The following MYO3A variants were observed in gnomAD, a reference collection of about 807,000 sequenced individuals.
The protein encoded by MYO3A is myosin IIIA.
Under a neutral mutation model 192.7 loss-of-function variants are expected in MYO3A, and 180 were observed. The ratio of observed to expected loss-of-function variants is 0.93; its 90% CI spans 0.83 to 1.06. The LOEUF (loss-of-function observed/expected upper bound fraction) is 1.06. MYO3A is among the 50% of genes least tolerant of loss of function. The probability of loss-of-function intolerance (pLI) is 0.00; values close to 1 mark genes in which losing one functional copy is unlikely to be tolerated. For synonymous variants in MYO3A, 628 were observed against 645.3 expected (o/e 0.97, Z 0.41); for missense variants, 1,896 against 1,905.0 (o/e 1.00, Z 0.09).
intron 20 of MYO3A, among the ~76,000 whole-genome samples, chr10:26,141,064 G>C (rs544504848): frequency 2.2e-4 from 34 of 152,008 alleles, no homozygotes; most frequent in African/African-American, 8.2e-4. Flanking sequence ...AGTAGCTGGG[G>C]CTCCAGGCAC....
chr10:26,081,146 GCCCCC>G (rs137933569), intron 14 of MYO3A, among the ~76,000 whole-genome samples: 13,176 of 70,804 alleles, frequency 0.19, 1,184 homozygotes, highest in Non-Finnish European at 0.22. Context: ...CCCCCCCCCC[GCCCCC>G]GCTACCAGGG....
At chr10:26,138,208 G>A (rs1589021165) in intron 20 of MYO3A, among the ~76,000 whole-genome samples, 1 of 152,138 alleles carries the variant, frequency 6.6e-6, no homozygotes, top group Non-Finnish European at 1.5e-5. Flanking sequence ...CTACTGATAT[G>A]TGAGGTCACC....
intron 10 of MYO3A, among the ~76,000 whole-genome samples, chr10:26,034,599 A>T (rs1842943887): frequency 6.6e-6 from 1 of 152,238 alleles, no homozygotes; most frequent in Non-Finnish European, 1.5e-5. Flanking sequence ...AAGAAACTGG[A>T]TAATGATAGC....
chr10:26,014,331 G>A (rs1234583850), intron 6 of MYO3A, among the ~76,000 whole-genome samples: 1 of 152,034 alleles, frequency 6.6e-6, no homozygotes, highest in Non-Finnish European at 1.5e-5. Flanking sequence ...CAATGTGGAA[G>A]TCTTAGGCCT....
intron 17 of MYO3A, among the ~76,000 whole-genome samples, chr10:26,106,976 GC>G (rs1049165883): frequency 6.6e-6 from 1 of 151,844 alleles, no homozygotes. Flanking sequence ...ATGCCAGTGA[GC>G]TTTTTTCTTT....
At chr10:26,010,450 G>GTTTTTTTT (rs778349166) in intron 6 of MYO3A, among the ~76,000 whole-genome samples, 19 of 111,218 alleles carry the variant, frequency 1.7e-4, no homozygotes, top group East Asian at 5.6e-4. Context: ...CTAAGTAGTT[G>GTTTTTTTT]TTTTTTTTTT....
chr10:26,005,293 G>C lies in MYO3A; in HGVS notation c.508+8035G>C, dbSNP rs149424251. ...AACCCAAATTCAGGAACAGTCTATAGAACAACTGGCCTGAAATCTTAAAAA... is the reference window on the plus strand; with the variant it reads ...AACCCAAATTCAGGAACAGTCTATACAACAACTGGCCTGAAATCTTAAAAA... On this transcript the variant is annotated intron_variant, in intron 6 of 34. Coordinates refer to ENST00000642920, the MANE Select transcript of MYO3A (RefSeq NM_017433.5). 2.1e-3 allele frequency among the ~76,000 whole-genome samples: 324 copies of C among 151,966 alleles called. 2 individuals are homozygous for C. The highest frequency in any genetic ancestry group is 7.6e-3 in the African/African-American group (313 of 41,398).
intron 34 of MYO3A, among the ~76,000 whole-genome samples, chr10:26,206,727 G>A (rs990667953): frequency 2.9e-4 from 44 of 152,218 alleles, no homozygotes; most frequent in African/African-American, 1.0e-3. Flanking sequence ...GGGATTACAG[G>A]CGTGAGCCAC....
Position 26,062,515 on chromosome 10 carries a change from C to CAAAAAAAAAAA in MYO3A, c.954-4452_954-4442dup, listed in dbSNP as rs573334201. The stretch of plus-strand genomic sequence containing the variant: ...CTGGCGACAGAGTGAGATGCCATCT[C>CAAAAAAAAAAA]AAAAAAAAAAAAAAAAAATTATGGA... On this transcript the variant is annotated intron_variant, in intron 10 of 34. Coordinates refer to ENST00000642920, the MANE Select transcript of MYO3A (RefSeq NM_017433.5). Among the ~76,000 whole-genome samples the CAAAAAAAAAAA allele has an allele frequency of 2.3e-3, 97 of 42,214 alleles. 5 individuals carry two copies. Among genetic ancestry groups the CAAAAAAAAAAA allele is most frequent in the Non-Finnish European group, 4.2e-3 (68 of 16,004 alleles). 27.7% of individuals were successfully genotyped at this position (42,214 alleles called of 152,430 possible).
Position 26,021,627 on chromosome 10 carries a change from G to C in MYO3A, c.710G>C (p.Arg237Thr), listed in dbSNP as rs1301887397. ...DPPLADLHPM[R>T]ALFKIPRNPP... ...CCACTAGCTGACCTTCATCCCATGA[G>C]AGCACTCTTCAAAATACCAAGGTCA... The change falls in exon 8 of 35, where the codon AGA becomes ACA. Residue 237 changes from arginine (R) to threonine (T), a missense_variant. Coordinates refer to ENST00000642920, the MANE Select transcript of MYO3A (RefSeq NM_017433.5). 1 of 1,614,048 alleles carries C rather than the reference G, an allele frequency of 6.2e-7. No individual in the cohort carries two copies. Among genetic ancestry groups the C allele is most frequent in the Admixed American group, 1.7e-5 (1 of 60,014 alleles).
rs876657529 is a variant in MYO3A at position 26,174,106 on chromosome 10, T to G, written c.3842T>G (p.Phe1281Cys). The G allele has an allele frequency of 2.5e-6, 4 of 1,614,046 alleles. No individual in the cohort carries two copies. In the South Asian group the frequency reaches 4.4e-5, roughly 18 times the overall value. ...TGGTTAGCTGAAAATGAGACTTCCT[T>G]TAAAAAAACTTTGGAACCTACACTT... ...VPWLAENETS[F>C]KKTLEPTLSQ... Residue 1281 changes from phenylalanine to cysteine, a missense_variant, in exon 30 of 35, where the codon TTT becomes TGT. Phe to Cys is a radical substitution (Grantham distance 205). Transcript: ENST00000642920.
At chr10:26,091,171 G>T (rs975497361) in intron 15 of MYO3A, among the ~76,000 whole-genome samples, 9 of 152,182 alleles carry the variant, frequency 5.9e-5, no homozygotes, top group Admixed American at 5.9e-4. Flanking sequence ...GATTTGAGGA[G>T]CAGGGAAGAA....
intron 21 of MYO3A, 84 bp downstream of exon 21, chr10:26,143,685 A>G (rs1840297600): frequency 2.6e-6 from 4 of 1,524,884 alleles, no homozygotes; most frequent in Non-Finnish European, 2.7e-6. Flanking sequence ...GCTTTAAATT[A>G]TCTGGAAGAA....
At chr10:26,097,920 G>T (rs951365490) in intron 17 of MYO3A, among the ~76,000 whole-genome samples, 1 of 152,056 alleles carries the variant, frequency 6.6e-6, no homozygotes, top group Non-Finnish European at 1.5e-5. Context: ...TAATCCTTTG[G>T]GTATATACCC....
chr10:26,030,062 G>C (rs536031001), intron 10 of MYO3A, among the ~76,000 whole-genome samples: 3 of 152,238 alleles, frequency 2.0e-5, no homozygotes, highest in Admixed American at 2.0e-4. Context: ...CATATAAAAG[G>C]AAGAAGCGGC....
At chr10:26,144,931 T>G (rs1368990879) in intron 21 of MYO3A, among the ~76,000 whole-genome samples, 2 of 152,116 alleles carry the variant, frequency 1.3e-5, no homozygotes, top group African/African-American at 4.8e-5. Context: ...ATCCCAGCAC[T>G]TTGGGAGGCC....
intron 10 of MYO3A, among the ~76,000 whole-genome samples, chr10:26,047,300 A>C (rs1843684642): frequency 6.7e-6 from 1 of 150,076 alleles, no homozygotes; most frequent in African/African-American, 2.4e-5. Flanking sequence ...TTTTGGCCAG[A>C]AAAAAATTAT....
chr10:26,107,909 T>A (rs1447596457), intron 17 of MYO3A, among the ~76,000 whole-genome samples: 1 of 152,176 alleles, frequency 6.6e-6, no homozygotes, highest in South Asian at 2.1e-4. Context: ...GATTTTTATA[T>A]TTTTATTAAT....
At chr10:26,191,997 AC>A (rs768670519) in intron 31 of MYO3A, among the ~76,000 whole-genome samples, 4 of 152,192 alleles carry the variant, frequency 2.6e-5, no homozygotes, top group Admixed American at 2.0e-4. Flanking sequence ...TCCAATAAGT[AC>A]CATACCCAAC....
Sources: allele counts gnomAD v4.1 joint callset (sites outside exome capture counted in the v4.1 genomes callset), GRCh38; gene constraint gnomAD v4.1.1; transcripts MANE v1.5; gene names NCBI Gene and HGNC (gene_info 2026-07-23, HGNC 2026-07-21).